RASAL2: variants seen among roughly 807,000 people sequenced by gnomAD.
RASAL2 encodes the protein RAS protein activator like 2.
RASAL2 carries 58 observed loss-of-function variants against 128.9 expected under a neutral mutation model. The observed-to-expected ratio is 0.45, with a 90% confidence interval of 0.36 to 0.56. The LOEUF is 0.56. Ranked by LOEUF, RASAL2 falls within the 20% of genes least tolerant of loss-of-function variation. The pLI is 0.00. For missense variants in RASAL2, 1,360 were observed against 1,601.6 expected (o/e 0.85, Z 2.57); for synonymous variants, 561 against 580.8 (o/e 0.97, Z 0.49).
intron 3 of RASAL2, among the ~76,000 whole-genome samples, chr1:178,317,770 G>C (rs1344792946): frequency 6.7e-6 from 1 of 149,376 alleles, no homozygotes; most frequent in Non-Finnish European, 1.5e-5. Flanking sequence ...TTTTTTGAAG[G>C]GTTTTTTGTG....
rs35686460 is a variant in RASAL2 at position 178,224,224 on chromosome 1, A to ATT, written c.203-59325_203-59324dup. 1.2e-3 allele frequency among the ~76,000 whole-genome samples: 168 copies of ATT among 143,324 alleles called. 1 individual carries two copies. Among genetic ancestry groups the ATT allele is most frequent in the African/African-American group, 3.2e-3 (128 of 39,388 alleles). The allele number at this position is 143,324 out of a possible 152,430, so 94.0% of individuals were successfully genotyped here. ...GATCAGAGGTTAGGGGAAAACTAGA[A>ATT]TTTTTTTTTTTTTTTTAATATTTAA... On this transcript the variant is annotated intron_variant, in intron 1 of 17. Transcript: ENST00000367649.
At chr1:178,236,855 C>T (rs1203410550) in intron 1 of RASAL2, among the ~76,000 whole-genome samples, 1 of 151,300 alleles carries the variant, frequency 6.6e-6, no homozygotes, top group Non-Finnish European at 1.5e-5. Flanking sequence ...CCTCCGCCTC[C>T]CGGGTTCAAG....
intron 4 of RASAL2, among the ~76,000 whole-genome samples, chr1:178,413,213 G>A (rs1178313898): frequency 1.3e-5 from 2 of 152,166 alleles, no homozygotes; most frequent in Non-Finnish European, 2.9e-5. Context: ...GCCTGCCTCA[G>A]CCTCCCAAAG....
chr1:178,433,326 TC>T (rs1297312544), intron 5 of RASAL2, among the ~76,000 whole-genome samples: 3 of 152,090 alleles, frequency 2.0e-5, no homozygotes. Flanking sequence ...CACCTTAAAA[TC>T]CTCTACTTAG....
chr1:178,205,769 G>A (rs1387011893), intron 1 of RASAL2, among the ~76,000 whole-genome samples: 2 of 151,810 alleles, frequency 1.3e-5, no homozygotes, highest in Non-Finnish European at 2.9e-5. Flanking sequence ...AAAAAAAAAA[G>A]ACTCATGTTC....
At chr1:178,343,382 G>A (rs1669982894) in intron 3 of RASAL2, among the ~76,000 whole-genome samples, 1 of 152,180 alleles carries the variant, frequency 6.6e-6, no homozygotes, top group Non-Finnish European at 1.5e-5. Flanking sequence ...TAAGAGGACT[G>A]ATGGCTGTGA....
chr1:178,341,131 A>G (rs1437152352), intron 3 of RASAL2, among the ~76,000 whole-genome samples: 1 of 152,218 alleles, frequency 6.6e-6, no homozygotes, highest in Non-Finnish European at 1.5e-5. Flanking sequence ...ATTTAAATTC[A>G]ACATAATAAA....
chr1:178,434,757 T>TC (rs977957929), intron 5 of RASAL2, among the ~76,000 whole-genome samples: 7 of 152,104 alleles, frequency 4.6e-5, no homozygotes, highest in African/African-American at 1.4e-4. Flanking sequence ...ATTTCTTTTT[T>TC]TTTTTAATCC....
chr1:178,351,732 GAAAAA>G (rs571231229), intron 3 of RASAL2, among the ~76,000 whole-genome samples: 1 of 111,048 alleles, frequency 9.0e-6, no homozygotes, highest in African/African-American at 3.1e-5. Flanking sequence ...CTATCTCAAG[GAAAAA>G]AAAAAAAAAA....
chr1:178,329,398 AG>A (rs1213769097), intron 3 of RASAL2, among the ~76,000 whole-genome samples: 1 of 152,198 alleles, frequency 6.6e-6, no homozygotes, highest in East Asian at 1.9e-4. Flanking sequence ...CCAATTTAAT[AG>A]GCCTGTGAAG....
At chr1:178,100,441 T>G (rs1442987007) in intron 1 of RASAL2, among the ~76,000 whole-genome samples, 2 of 151,794 alleles carry the variant, frequency 1.3e-5, no homozygotes, top group African/African-American at 4.8e-5. Context: ...CGAGAATCGC[T>G]TGAGCCCAGG....
intron 3 of RASAL2, among the ~76,000 whole-genome samples, chr1:178,348,286 T>C (rs1365883263): frequency 1.3e-5 from 2 of 152,136 alleles, no homozygotes; most frequent in Non-Finnish European, 2.9e-5. Context: ...ACTGCTCTTT[T>C]TTCTTTTTCT....
chr1:178,120,667 T>A (rs1659685609), intron 1 of RASAL2, among the ~76,000 whole-genome samples: 1 of 152,240 alleles, frequency 6.6e-6, no homozygotes, highest in Non-Finnish European at 1.5e-5. Flanking sequence ...TATTATGGTC[T>A]CTGTGCAGTC....
intron 4 of RASAL2, among the ~76,000 whole-genome samples, chr1:178,395,684 T>A (rs1673169349): frequency 6.6e-6 from 1 of 151,728 alleles, no homozygotes. Flanking sequence ...TCTCTATCCG[T>A]GTTTCTTCCC....
At chr1:178,339,278 G>A (rs1669746073) in intron 3 of RASAL2, among the ~76,000 whole-genome samples, 1 of 152,186 alleles carries the variant, frequency 6.6e-6, no homozygotes, top group Non-Finnish European at 1.5e-5. Context: ...TTTCTAACAG[G>A]TGGGATCGTG....
intron 1 of RASAL2, among the ~76,000 whole-genome samples, chr1:178,169,796 A>C (rs1047178677): frequency 6.6e-6 from 1 of 151,996 alleles, no homozygotes; most frequent in Non-Finnish European, 1.5e-5. Context: ...ACAGTTTTAA[A>C]ATGAGGGTGG....
intron 17 of RASAL2, among the ~76,000 whole-genome samples, chr1:178,469,254 G>T (rs1048325612): frequency 6.6e-6 from 1 of 152,024 alleles, no homozygotes; most frequent in Non-Finnish European, 1.5e-5. Context: ...CCATATTTGC[G>T]CCAGTGCACT....
Position 178,399,153 on chromosome 1 carries a change from A to C in RASAL2, c.564+8947A>C, listed in dbSNP as rs565341982. Among the ~76,000 whole-genome samples, 6 of 151,882 alleles carry C rather than the reference A, an allele frequency of 4.0e-5. No individual in the cohort carries two copies. The South Asian group carries it at 6.3e-4, about 16-fold the overall frequency. Reference sequence around the variant, plus strand: ...TGAATTATCTGTTGCCCACTTCCCCACTCCCTGATCTCATTCAGCCTCCCT... The same window carrying C: ...TGAATTATCTGTTGCCCACTTCCCCCCTCCCTGATCTCATTCAGCCTCCCT... On this transcript the variant is annotated intron_variant, in intron 4 of 17. Coordinates refer to ENST00000367649, the MANE Select transcript of RASAL2 (RefSeq NM_170692.4).
At chr1:178,302,617 A>T (rs1412672726) in intron 3 of RASAL2, among the ~76,000 whole-genome samples, 2 of 152,216 alleles carry the variant, frequency 1.3e-5, no homozygotes, top group East Asian at 3.8e-4. Flanking sequence ...CCCCATCCTT[A>T]CCACCACATA....
Sources: allele counts gnomAD v4.1 joint callset (sites outside exome capture counted in the v4.1 genomes callset), GRCh38; gene constraint gnomAD v4.1.1; transcripts MANE v1.5; gene names NCBI Gene and HGNC (gene_info 2026-07-23, HGNC 2026-07-21).